Variants in DOCK4 observed in about 807,000 individuals in gnomAD.
DOCK4 encodes the protein dedicator of cytokinesis protein 4.
DOCK4 carries 97 observed loss-of-function variants against 268.1 expected under a neutral mutation model. The observed-to-expected ratio is 0.36, with a 90% CI of 0.31 to 0.43. DOCK4 has a LOEUF of 0.43. DOCK4 is among the 20% of genes least tolerant of loss of function. DOCK4 has a pLI of 1.00. For synonymous variants in DOCK4, 954 were observed against 887.2 expected (o/e 1.08, Z -1.34); for missense variants, 2,145 against 2,455.7 (o/e 0.87, Z 2.67).
chr7:111,793,207 A>G (rs1799671234), intron 30 of DOCK4, among the ~76,000 whole-genome samples: 1 of 152,222 alleles, frequency 6.6e-6, no homozygotes, highest in South Asian at 2.1e-4. Context: ...TACTGCACAC[A>G]GCTAAATATT....
intron 15 of DOCK4, among the ~76,000 whole-genome samples, chr7:111,899,693 C>T (rs1315493910): frequency 3.9e-5 from 6 of 152,098 alleles, no homozygotes; most frequent in East Asian, 1.9e-4. Flanking sequence ...GAGGCCGAGG[C>T]GGGTGGATCA....
At chr7:111,806,428 T>C (rs1800682982) in intron 30 of DOCK4, among the ~76,000 whole-genome samples, 1 of 152,152 alleles carries the variant, frequency 6.6e-6, no homozygotes, top group Admixed American at 6.5e-5. Flanking sequence ...ATTCACCTAA[T>C]ATTTGGGAAG....
At chr7:111,740,225 G>T (rs555921181) in intron 47 of DOCK4, 4 of 306,602 alleles carry the variant, frequency 1.3e-5, no homozygotes, top group Admixed American at 4.4e-5. Context: ...TCAGCCTCCC[G>T]AGTAGCTGGG....
intron 30 of DOCK4, among the ~76,000 whole-genome samples, chr7:111,805,457 T>A (rs1800605340): frequency 6.6e-6 from 1 of 152,200 alleles, no homozygotes; most frequent in Admixed American, 6.5e-5. Flanking sequence ...AATTTTAGAA[T>A]TATAAAATAT....
intron 1 of DOCK4, among the ~76,000 whole-genome samples, chr7:112,087,653 ATACTATG>A (rs1809221719): frequency 1.3e-5 from 2 of 152,162 alleles, no homozygotes; most frequent in East Asian, 3.9e-4. Flanking sequence ...GTTATCTAAA[ATACTATG>A]TACCCTGAGA....
chr7:112,202,826 T>TA (rs1821064899), intron 1 of DOCK4, among the ~76,000 whole-genome samples: 1 of 151,928 alleles, frequency 6.6e-6, no homozygotes, highest in Non-Finnish European at 1.5e-5. Context: ...AAAATACATT[T>TA]AAAAAACAAA....
chr7:111,984,809 T>C (rs1215886682), intron 6 of DOCK4, among the ~76,000 whole-genome samples: 3 of 152,232 alleles, frequency 2.0e-5, no homozygotes, highest in African/African-American at 4.8e-5. Flanking sequence ...GAATTTGACC[T>C]AGCACCAGTA....
At chr7:111,994,324 G>T in intron 4 of DOCK4, 93 bp from the exon 5 acceptor site, 1 of 722,004 alleles carries the variant, frequency 1.4e-6, no homozygotes, top group Non-Finnish European at 2.2e-6. Flanking sequence ...AAAGAAAGCT[G>T]CCTAGCTATT....
intron 2 of DOCK4, among the ~76,000 whole-genome samples, chr7:112,001,952 A>T (rs556866674): frequency 6.9e-4 from 105 of 152,302 alleles, no homozygotes; most frequent in African/African-American, 2.4e-3. Context: ...AAAACAAATC[A>T]GGATATATAT....
At chr7:111,756,630 C>T (rs113840143) in intron 41 of DOCK4, among the ~76,000 whole-genome samples, 4 of 152,052 alleles carry the variant, frequency 2.6e-5, no homozygotes, top group Non-Finnish European at 4.4e-5. Flanking sequence ...GTTGATGACA[C>T]GTTTCTTTTT....
chr7:112,009,777 A>G (rs993103247), intron 1 of DOCK4, among the ~76,000 whole-genome samples: 1 of 152,132 alleles, frequency 6.6e-6, no homozygotes, highest in Non-Finnish European at 1.5e-5. Flanking sequence ...AAAAACAGAG[A>G]AAAAGGAAAG....
intron 16 of DOCK4, among the ~76,000 whole-genome samples, chr7:111,895,306 T>C (rs1808650460): frequency 6.6e-6 from 1 of 152,208 alleles, no homozygotes; most frequent in African/African-American, 2.4e-5. Context: ...AATGTAGTAT[T>C]TAAAAAGTTA....
intron 1 of DOCK4, among the ~76,000 whole-genome samples, chr7:112,147,257 A>G (rs1344026883): frequency 2.0e-5 from 3 of 152,224 alleles, no homozygotes; most frequent in African/African-American, 7.2e-5. Context: ...CGTAAGTCTA[A>G]TTAGTCACTA....
At chr7:111,737,433 T>A (rs924837189) in intron 49 of DOCK4, among the ~76,000 whole-genome samples, 9 of 152,124 alleles carry the variant, frequency 5.9e-5, no homozygotes, top group Non-Finnish European at 2.9e-5. Flanking sequence ...CTGGCCTGTG[T>A]GGAGTTCTTT....
intron 16 of DOCK4, among the ~76,000 whole-genome samples, chr7:111,893,772 A>C (rs1808488702): frequency 6.6e-6 from 1 of 152,262 alleles, no homozygotes; most frequent in Non-Finnish European, 1.5e-5. Context: ...TAAAGGCCAG[A>C]AACAGAAGGA....
In DOCK4 at chr7:111,832,282, G is replaced by A. The variant is rs530400314; in HGVS notation, c.2835+2306C>T. Among the ~76,000 whole-genome samples the A allele has an allele frequency of 2.0e-5, 3 of 152,268 alleles. No homozygotes were observed. The South Asian group carries it at 6.2e-4, about 32-fold the overall frequency. On this transcript the variant is annotated intron_variant, in intron 26 of 52. Transcript: ENST00000428084. ...CTGGGAAGTTTTCCTGTTGCCTTGA[G>A]TCTGGGTTGGCAGCACCTCCCACAC...
At chr7:112,059,461 T>A (rs1382876577) in intron 1 of DOCK4, among the ~76,000 whole-genome samples, 1 of 152,148 alleles carries the variant, frequency 6.6e-6, no homozygotes, top group Admixed American at 6.6e-5. Flanking sequence ...ATTTTTTAAA[T>A]GCAATGAATA....
Position 112,004,100 on chromosome 7 carries a change from A to G in DOCK4, c.69T>C (p.Tyr23=), listed in dbSNP as rs991759666. Residue 23 remains tyrosine (Y), a synonymous_variant, in exon 2 of 53, where the codon TAT becomes TAC. Coordinates refer to ENST00000428084, the MANE Select transcript of DOCK4 (RefSeq NM_001363540.2). ...TATCTCCAATTTCCAATGACAGGCC[A>G]TATGGAACGGTTCCTCGGAAACTGG... The part of the protein sequence containing the change: ...VIASFRGTVP[Y]GLSLEIGDTV... 6.2e-7 allele frequency: 1 copy of G among 1,600,708 alleles called. No individual in the cohort carries two copies. The highest frequency in any genetic ancestry group is 8.5e-7 in the Non-Finnish European group (1 of 1,173,322).
chr7:112,169,090 T>C (rs1817854711), intron 1 of DOCK4, among the ~76,000 whole-genome samples: 1 of 152,230 alleles, frequency 6.6e-6, no homozygotes, highest in African/African-American at 2.4e-5. Context: ...CCTTTAGTGC[T>C]GTTCTCACGA....
Sources: gnomAD v4.1 joint callset for allele counts (sites outside exome capture counted in the v4.1 genomes callset) on GRCh38, gnomAD v4.1.1 for gene constraint, MANE v1.5 for transcripts, NCBI Gene and HGNC (gene_info 2026-07-23, HGNC 2026-07-21) for gene names.